Variants in FBXO9 observed in about 807,000 individuals in gnomAD.
FBXO9 encodes the protein F-box protein 9.
A neutral mutation model predicts 63.7 loss-of-function variants in FBXO9; 43 were observed. That is an observed-to-expected ratio of 0.67 (90% CI 0.53 to 0.87). The LOEUF is 0.87. FBXO9 is among the 40% of genes least tolerant of loss of function. FBXO9 has a pLI of 0.00. For synonymous variants in FBXO9, 156 were observed against 171.7 expected (o/e 0.91, Z 0.72); for missense variants, 442 against 533.2 (o/e 0.83, Z 1.68).
upstream of FBXO9, chr6:53,065,053 G>C (rs962184467): frequency 4.6e-5 from 7 of 152,268 alleles, no homozygotes; most frequent in Non-Finnish European, 7.3e-5. Context: ...TGTGACTGTT[G>C]AGAAATTTCA....
Position 53,080,972 on chromosome 6 carries a change from G to A in FBXO9, c.412G>A (p.Glu138Lys). 6.2e-7 allele frequency: 1 copy of A among 1,612,624 alleles called. No homozygotes were observed. The highest frequency in any genetic ancestry group is 8.5e-7 in the Non-Finnish European group (1 of 1,179,522). The change falls in exon 6 of 13, where the codon GAA becomes AAA. Residue 138 changes from glutamate (E) to lysine (K), a missense_variant. Physicochemically the swap from Glu to Lys is moderately conservative, Grantham distance 56 (BLOSUM62 1). Transcript: ENST00000323557. Reference protein sequence around the residue: ...DGDGVGNSYIEDNDDDSKMAD... With the variant: ...DGDGVGNSYIKDNDDDSKMAD... ...TATTCACCTCCCTTTTTTCAGCATT[G>A]AAGATAATGATGATGACAGCAAAAT...
At chr6:53,097,668 T>G in intron 12 of FBXO9, 54 bp from the exon 13 acceptor site, 1 of 1,059,678 alleles carries the variant, frequency 9.4e-7, no homozygotes, top group South Asian at 1.4e-5. Context: ...ACACAAGGAT[T>G]TTAAATGAAT....
Position 53,093,506 on chromosome 6 carries a change from A to G in FBXO9, c.904A>G (p.Thr302Ala). Residue 302 changes from threonine to alanine, a missense_variant, in exon 10 of 13, where the codon ACA becomes GCA. By Grantham distance (58) the Thr-to-Ala change is moderately conservative. Coordinates refer to ENST00000323557, the MANE Select transcript of FBXO9 (RefSeq NM_033480.3). Reference protein sequence around the residue: ...FFPDGHVMMLTTPEEPQSIVP... With the variant: ...FFPDGHVMMLATPEEPQSIVP... ...TCCTGATGGCCATGTGATGATGTTG[A>G]CAACCCCTGAAGAGCCTCAGTCCAT... is the stretch of plus-strand genomic sequence containing the variant. 2 of 1,613,826 alleles carry G rather than the reference A, an allele frequency of 1.2e-6. No homozygotes were observed. Among genetic ancestry groups the G allele is most frequent in the Non-Finnish European group, 1.7e-6 (2 of 1,179,792 alleles).
chr6:53,078,054 T>C (rs1672879095), intron 4 of FBXO9, among the ~76,000 whole-genome samples: 1 of 152,150 alleles, frequency 6.6e-6, no homozygotes, highest in South Asian at 2.1e-4. Context: ...CTAAAAGAAG[T>C]TAAATTTAAA....
At chr6:53,068,178 T>C (rs1056645314) in intron 1 of FBXO9, among the ~76,000 whole-genome samples, 2 of 151,802 alleles carry the variant, frequency 1.3e-5, no homozygotes, top group African/African-American at 4.8e-5. Context: ...ATTAAATGGG[T>C]TTTATTATTA....
At chr6:53,066,975 C>T (rs1201516641) in intron 1 of FBXO9, among the ~76,000 whole-genome samples, 1 of 152,224 alleles carries the variant, frequency 6.6e-6, no homozygotes, top group African/African-American at 2.4e-5. Flanking sequence ...TAGAGCTCCA[C>T]TGTAACACAG....
At chr6:53,091,548 T>C (rs1270418101) in intron 7 of FBXO9, 1 of 152,228 alleles carries the variant, frequency 6.6e-6, no homozygotes, top group Admixed American at 6.5e-5. Context: ...TTTGTATTTT[T>C]AGTAGAGACA....
At chr6:53,081,687 C>T (rs1273388596) in intron 6 of FBXO9, among the ~76,000 whole-genome samples, 2 of 152,196 alleles carry the variant, frequency 1.3e-5, no homozygotes, top group African/African-American at 4.8e-5. Flanking sequence ...GTTGAGGTAG[C>T]CCTAAGAAAA....
At chr6:53,094,199 GT>G (rs1171512428) in intron 11 of FBXO9, among the ~76,000 whole-genome samples, 1 of 152,000 alleles carries the variant, frequency 6.6e-6, no homozygotes, top group Non-Finnish European at 1.5e-5. Context: ...CAGATAGTTT[GT>G]TTTTTATATA....
chr6:53,082,469 G>A, intron 6 of FBXO9, 35 bp from the exon 7 acceptor site: 1 of 1,387,406 alleles, frequency 7.2e-7, no homozygotes. Flanking sequence ...GAATGACATA[G>A]AGGAGAGTCA....
chr6:53,089,857 A>G (rs1036495347), intron 7 of FBXO9, among the ~76,000 whole-genome samples: 1 of 152,196 alleles, frequency 6.6e-6, no homozygotes, highest in Non-Finnish European at 1.5e-5. Flanking sequence ...GCACTCAAGT[A>G]AGTACTGCAC....
intron 4 of FBXO9, among the ~76,000 whole-genome samples, chr6:53,077,472 C>CAAAAAAAAAAAAA (rs1173539613): frequency 1.4e-5 from 1 of 70,454 alleles, no homozygotes; most frequent in Non-Finnish European, 2.5e-5. Context: ...GACTCCGTCT[C>CAAAAAAAAAAAAA]AAAAAAAAAA....
At position 53,065,635 on chromosome 6, in the gene FBXO9, C is replaced by T. The variant is rs755261177; in HGVS notation, c.-155C>T. The T allele has an allele frequency of 2.9e-5, 26 of 908,538 alleles. No individual in the cohort carries two copies. Among genetic ancestry groups the T allele is most frequent in the South Asian group, 2.4e-4 (7 of 28,680 alleles). The allele number at this position is 908,538 out of a possible 1,614,324, so 56.3% of individuals were successfully genotyped here. A position where few individuals can be genotyped will look rare whatever the true frequency, so the allele number is the denominator to read the frequency against. ...CGTACGCCGGGCCCGCAGTTATTGCCGCTGCCTGGTGCGCTTCTCCGACCG... is the reference window on the plus strand; with the variant it reads ...CGTACGCCGGGCCCGCAGTTATTGCTGCTGCCTGGTGCGCTTCTCCGACCG... On this transcript the variant is annotated 5_prime_UTR_variant, in exon 1 of 13. Transcript: ENST00000323557.
At position 53,092,738 on chromosome 6, in the gene FBXO9, G is replaced by C. The variant is rs375392136; in HGVS notation, c.777G>C (p.Val259=). The part of the protein sequence containing the change: ...LERPRVRFDG[V]YISKTTYIRQ... ...TTTTTAAAATTATTTTCATAGGCGT[G>C]TATATCAGTAAAACCACATATATTC... Residue 259 remains valine (V), a synonymous_variant, in exon 9 of 13, where the codon GTG becomes GTC. Transcript: ENST00000323557. 3.7e-6 allele frequency: 6 copies of C among 1,605,684 alleles called. No individual in the cohort carries two copies. Among genetic ancestry groups the C allele is most frequent in the Non-Finnish European group, 5.1e-6 (6 of 1,174,128 alleles).
rs555003420 is a variant in FBXO9 at position 53,083,945 on chromosome 6, G to A, written c.653+1327G>A. On this transcript the variant is annotated intron_variant, in intron 7 of 12. Transcript: ENST00000323557. ...GAGAATGATTAGCAACTAGGAGTCC[G>A]TGTCAAAATGCTTTTAAGCCACATT... Among the ~76,000 whole-genome samples, 4 of 152,292 alleles carry A rather than the reference G, an allele frequency of 2.6e-5. No individual in the cohort carries two copies. The South Asian group carries it at 6.2e-4, about 24-fold the overall frequency.
Position 53,095,531 on chromosome 6 carries a change from T to C in FBXO9, c.1072T>C (p.Tyr358His), listed in dbSNP as rs2127500293. The C allele has an allele frequency of 6.2e-7, 1 of 1,612,068 alleles. No individual in the cohort carries two copies. Among genetic ancestry groups the C allele is most frequent in the East Asian group, 2.2e-5 (1 of 44,842 alleles). ...KKEEKPLDYK[Y>H]RYFRRVPVQE... ...TTTGCAGAAACCACTTGACTATAAA[T>C]ACAGATATTTTCGTCGTGTCCCTGT... is the stretch of plus-strand genomic sequence containing the variant. The change falls in exon 12 of 13, where the codon TAC becomes CAC. Residue 358 changes from tyrosine to histidine, a missense_variant. Tyr to His is a moderately conservative substitution (Grantham distance 83). Coordinates refer to ENST00000323557, the MANE Select transcript of FBXO9 (RefSeq NM_033480.3).
chr6:53,075,765 T>TG (rs1769086326), intron 3 of FBXO9, among the ~76,000 whole-genome samples: 2 of 99,372 alleles, frequency 2.0e-5, no homozygotes, highest in African/African-American at 7.9e-5. Context: ...TTTTTTGAGA[T>TG]GGAGTGTCAC....
intron 3 of FBXO9, among the ~76,000 whole-genome samples, chr6:53,075,648 G>C (rs1769070606): frequency 6.8e-6 from 1 of 147,502 alleles, no homozygotes; most frequent in South Asian, 2.1e-4. Flanking sequence ...ATCTTTTCAT[G>C]TGCTTATTTT....
At chr6:53,091,721 C>G (rs1763045269) in intron 7 of FBXO9, 1 of 152,334 alleles carries the variant, frequency 6.6e-6, no homozygotes, top group Non-Finnish European at 1.5e-5. Context: ...AAATTTATCT[C>G]CAGTCTGACC....
Sources: allele counts gnomAD v4.1 joint callset (sites outside exome capture counted in the v4.1 genomes callset), GRCh38; gene constraint gnomAD v4.1.1; transcripts MANE v1.5; gene names NCBI Gene and HGNC (gene_info 2026-07-23, HGNC 2026-07-21).